Variants in ROS1 observed in about 807,000 individuals in gnomAD.
The protein encoded by ROS1 is proto-oncogene tyrosine-protein kinase ROS.
ROS1 carries 263 observed loss-of-function variants against 273.5 expected under a neutral mutation model. That is an observed-to-expected ratio of 0.96 (90% CI 0.87 to 1.06). The LOEUF (loss-of-function observed/expected upper bound fraction) is 1.06, where lower values mean the gene tolerates loss of function less well. Ranked by LOEUF, ROS1 falls within the 50% of genes least tolerant of loss-of-function variation. ROS1 has a pLI of 0.00. For synonymous variants in ROS1, 1,008 were observed against 954.1 expected (o/e 1.06, Z -1.04); for missense variants, 2,833 against 2,751.1 (o/e 1.03, Z -0.67).
Position 117,393,283 on chromosome 6 carries a change from C to T in ROS1, c.1230G>A (p.Glu410=). Residue 410 remains glutamate, a synonymous_variant, in exon 12 of 44, where the codon GAG becomes GAA. Coordinates refer to ENST00000368507, the MANE Select transcript of ROS1 (RefSeq NM_001378902.1). ...CACTAATAGAGGGTGGAGTAATTTC[C>T]TCGATGTTTGAGCAGTTCTCTAAAT... ...VCDLENCSNI[E]EITPPSISAP... 6.2e-7 allele frequency: 1 copy of T among 1,612,568 alleles called. No individual in the cohort carries two copies. The highest frequency in any genetic ancestry group is 8.5e-7 in the Non-Finnish European group (1 of 1,178,972).
At chr6:117,300,674 G>T (rs923814106) in intron 43 of ROS1, among the ~76,000 whole-genome samples, 4 of 152,104 alleles carry the variant, frequency 2.6e-5, no homozygotes, top group Admixed American at 6.5e-5. Flanking sequence ...ACTGGTGTGT[G>T]GGGGGAGAAG....
At chr6:117,391,381 G>A (rs978266220) in intron 12 of ROS1, among the ~76,000 whole-genome samples, 1 of 152,144 alleles carries the variant, frequency 6.6e-6, no homozygotes, top group Non-Finnish European at 1.5e-5. Flanking sequence ...GGGAGGAAGA[G>A]AAAGAAAAAT....
intron 18 of ROS1, among the ~76,000 whole-genome samples, chr6:117,372,106 A>G (rs2128671783): frequency 6.6e-6 from 1 of 152,342 alleles, no homozygotes; most frequent in South Asian, 2.1e-4. Flanking sequence ...TTAATGTAAT[A>G]AAAGCCATCT....
chr6:117,407,354 G>A (rs1026236307), intron 5 of ROS1, among the ~76,000 whole-genome samples: 9 of 152,236 alleles, frequency 5.9e-5, no homozygotes, highest in Admixed American at 2.0e-4. Flanking sequence ...TTATCAAAGC[G>A]CTGGCCTGTT....
At chr6:117,404,220 C>CAA (rs373760201) in intron 6 of ROS1, 60 bp downstream of exon 6, 16,324 of 1,317,982 alleles carry the variant, frequency 0.012, 13 homozygotes, top group African/African-American at 0.024. Flanking sequence ...GACTCCGTCT[C>CAA]AAAAAAAAAA....
intron 35 of ROS1, among the ~76,000 whole-genome samples, chr6:117,323,774 G>C (rs1056836419): frequency 6.6e-6 from 1 of 151,906 alleles, no homozygotes; most frequent in Non-Finnish European, 1.5e-5. Context: ...CTGCCTTCCT[G>C]GTCATTTATA....
At chr6:117,396,125 G>T in intron 9 of ROS1, 63 bp downstream of exon 9, 1 of 1,283,146 alleles carries the variant, frequency 7.8e-7, no homozygotes, top group Non-Finnish European at 1.1e-6. Flanking sequence ...AGGGCTTCTG[G>T]CTCTGAAACC....
At chr6:117,353,881 T>C (rs1779077538) in intron 26 of ROS1, among the ~76,000 whole-genome samples, 1 of 152,172 alleles carries the variant, frequency 6.6e-6, no homozygotes. Context: ...AAGACCTTCA[T>C]AGTTAGAGTC....
At chr6:117,343,657 T>C (rs1381844195) in intron 28 of ROS1, among the ~76,000 whole-genome samples, 2 of 152,188 alleles carry the variant, frequency 1.3e-5, no homozygotes, top group Admixed American at 1.3e-4. Flanking sequence ...ATTAGATAAA[T>C]GCTGTGGAGA....
At chr6:117,329,669 A>G (rs1001318499) in intron 32 of ROS1, among the ~76,000 whole-genome samples, 2 of 152,148 alleles carry the variant, frequency 1.3e-5, no homozygotes, top group African/African-American at 4.8e-5. Flanking sequence ...AGATTCGCTC[A>G]TCAAAATTGA....
rs973411916 is a variant in ROS1 at position 117,366,279 on chromosome 6, G to T, written c.2594C>A (p.Thr865Asn). ...AVLRGQSTGD[T>N]TITEFAAWST... ...CCAGGCTGCAAATTCTGTGATGGTG[G>T]TATCCCCAGTGCTGCTAAAACATAA... is the stretch of plus-strand genomic sequence containing the variant. Residue 865 changes from threonine (T) to asparagine (N), a missense_variant, in exon 19 of 44, where the codon ACC (threonine) becomes AAC (asparagine). Physicochemically the swap from Thr to Asn is moderately conservative, Grantham distance 65 (BLOSUM62 0). Coordinates refer to ENST00000368507, the MANE Select transcript of ROS1 (RefSeq NM_001378902.1). 1.1e-5 allele frequency: 17 copies of T among 1,613,554 alleles called. No homozygotes were observed. Among genetic ancestry groups the T allele is most frequent in the African/African-American group, 1.3e-5 (1 of 74,904 alleles).
chr6:117,291,055 C>A (rs1773801721), intron 43 of ROS1, among the ~76,000 whole-genome samples: 1 of 152,174 alleles, frequency 6.6e-6, no homozygotes, highest in Admixed American at 6.6e-5. Flanking sequence ...TATGCAAACT[C>A]CGCCTTTAAT....
chr6:117,318,215 T>C lies in ROS1; in HGVS notation c.5960A>G (p.Glu1987Gly), dbSNP rs1040011127. ...KKGSTDQEKI[E>G]FLKEAHLMSK... The stretch of plus-strand genomic sequence containing the variant: ...CATCAGATGTGCCTCCTTCAGGAAT[T>C]CAATCTTCTCCTGGTCTGTGGAACC... Residue 1987 changes from glutamate to glycine, a missense_variant, in exon 38 of 44, where the codon GAA becomes GGA. By Grantham distance (98) the Glu-to-Gly change is moderately conservative. Transcript: ENST00000368507. 2 of 1,612,948 alleles carry C rather than the reference T, an allele frequency of 1.2e-6. No individual in the cohort carries two copies. The highest frequency in any genetic ancestry group is 2.7e-5 in the African/African-American group (2 of 74,998).
chr6:117,353,867 AAAG>A (rs1231514640), intron 26 of ROS1, among the ~76,000 whole-genome samples: 10 of 152,210 alleles, frequency 6.6e-5, no homozygotes, highest in African/African-American at 2.4e-4. Flanking sequence ...GCTACAACAA[AAAG>A]AAGACCTTCA....
chr6:117,424,827 C>A (rs1776020482), intron 1 of ROS1, among the ~76,000 whole-genome samples: 1 of 152,030 alleles, frequency 6.6e-6, no homozygotes, highest in Admixed American at 6.6e-5. Flanking sequence ...GGGTCATATG[C>A]AAACTATCAT....
intron 5 of ROS1, among the ~76,000 whole-genome samples, chr6:117,405,734 G>C (rs944436938): frequency 6.6e-6 from 1 of 152,144 alleles, no homozygotes; most frequent in Non-Finnish European, 1.5e-5. Flanking sequence ...ATGAAAAAGG[G>C]AAGCTAGACT....
At position 117,394,232 on chromosome 6, in the gene ROS1, C is replaced by G. The variant is rs61743088; in HGVS notation, c.1121G>C (p.Gly374Ala). 1,791 of 1,609,766 alleles carry G rather than the reference C, an allele frequency of 1.1e-3. 17 individuals are homozygous for G. Among genetic ancestry groups the G allele is most frequent in the South Asian group, 9.3e-3 (843 of 90,228 alleles). Reference sequence around the variant, plus strand: ...GGAGATAGAAGAAATTAATCCTGAACCTCTGTAAAAAATTCTCAGGTCAGA... The same window carrying G: ...GGAGATAGAAGAAATTAATCCTGAAGCTCTGTAAAAAATTCTCAGGTCAGA... Reference protein sequence around the residue: ...DVSDLRIFYRGSGLISSISID... With the variant: ...DVSDLRIFYRASGLISSISID... The change falls in exon 11 of 44, where the codon GGT becomes GCT. Residue 374 changes from glycine (G) to alanine (A), a missense_variant. Transcript: ENST00000368507.
chr6:117,401,424 T>G (rs1176793336), intron 7 of ROS1, among the ~76,000 whole-genome samples: 2 of 152,232 alleles, frequency 1.3e-5, no homozygotes, highest in Non-Finnish European at 2.9e-5. Flanking sequence ...TCTGGCTATG[T>G]GTCACATCGC....
chr6:117,318,412 T>C (rs555828889), intron 37 of ROS1, among the ~76,000 whole-genome samples, 160 bp from the exon 38 acceptor site: 1 of 152,272 alleles, frequency 6.6e-6, no homozygotes, highest in Admixed American at 6.5e-5. Context: ...ACCCTTCAAA[T>C]GTTACCTCCT....
Sources: allele counts gnomAD v4.1 joint callset (sites outside exome capture counted in the v4.1 genomes callset), GRCh38; gene constraint gnomAD v4.1.1; transcripts MANE v1.5; gene names NCBI Gene and HGNC (gene_info 2026-07-23, HGNC 2026-07-21).